The following PCDH9 variants were observed in gnomAD, a reference collection of about 807,000 sequenced individuals.
PCDH9 encodes protocadherin-9.
A neutral mutation model predicts 70.6 loss-of-function variants in PCDH9; 24 were observed. The observed-to-expected ratio is 0.34, with a 90% confidence interval of 0.25 to 0.48. The LOEUF (loss-of-function observed/expected upper bound fraction) is 0.48. Ranked by LOEUF, PCDH9 falls within the 20% of genes least tolerant of loss-of-function variation. PCDH9 has a pLI of 0.99. For synonymous variants in PCDH9, 562 were observed against 558.5 expected (o/e 1.01, Z -0.09); for missense variants, 1,281 against 1,503.6 (o/e 0.85, Z 2.45).
rs183020995 is a variant in PCDH9, at chr13:66,763,997, T to C, written c.3139-132586A>G. ...TATTTTTAGTAGAAATGGGGTTTTG[T>C]CATGTTGGCCAGGCTCGTTTGAAAC... On this transcript the variant is annotated intron_variant, in intron 3 of 4. Transcript: ENST00000377865. Among the ~76,000 whole-genome samples the C allele has an allele frequency of 3.9e-5, 6 of 151,920 alleles. No homozygotes were observed. The East Asian group carries it at 1.2e-3, about 30-fold the overall frequency.
chr13:67,201,296 A>G (rs2089205817), intron 2 of PCDH9: 1 of 152,086 alleles, frequency 6.6e-6, no homozygotes, highest in Non-Finnish European at 1.5e-5. Flanking sequence ...TTTACAAAAT[A>G]TAGCCAAAAA....
At chr13:66,454,565 C>T (rs978045112) in intron 4 of PCDH9, among the ~76,000 whole-genome samples, 1 of 152,134 alleles carries the variant, frequency 6.6e-6, no homozygotes, top group Non-Finnish European at 1.5e-5. Context: ...AGGCTGTTTT[C>T]TTTATTCCTT....
chr13:66,304,406 T>G lies in PCDH9; in HGVS notation c.*249A>C. The G allele has an allele frequency of 2.6e-6, 1 of 389,070 alleles. No individual in the cohort carries two copies. The highest frequency in any genetic ancestry group is 3.9e-5 in the East Asian group (1 of 25,882). 24.1% of individuals were successfully genotyped at this position (389,070 alleles called of 1,614,324 possible). On this transcript the variant is annotated 3_prime_UTR_variant, in exon 5 of 5. Transcript: ENST00000377865. ...CCAGGGTCAAAATAAAATGCAATAA[T>G]AAAAAAAATTTGCACAATGGAGAGA...
chr13:66,694,210 T>A (rs976253862), intron 3 of PCDH9, among the ~76,000 whole-genome samples: 1 of 152,216 alleles, frequency 6.6e-6, no homozygotes, highest in East Asian at 1.9e-4. Context: ...AAATCTTGTA[T>A]GTAATGTGAT....
chr13:66,934,062 A>G (rs955988263), intron 2 of PCDH9, among the ~76,000 whole-genome samples: 3 of 152,166 alleles, frequency 2.0e-5, no homozygotes, highest in Non-Finnish European at 4.4e-5. Flanking sequence ...CATCACACCT[A>G]CAGCCTGCCT....
intron 3 of PCDH9, among the ~76,000 whole-genome samples, chr13:66,690,876 CCT>C (rs2078474168): frequency 6.6e-6 from 1 of 152,182 alleles, no homozygotes; most frequent in Non-Finnish European, 1.5e-5. Context: ...GCAAGCAAGA[CCT>C]CTGTCCTCAA....
intron 2 of PCDH9, among the ~76,000 whole-genome samples, chr13:66,918,243 G>A (rs918620098): frequency 2.0e-5 from 3 of 151,244 alleles, no homozygotes; most frequent in Non-Finnish European, 3.0e-5. Flanking sequence ...GAGAGGGAGA[G>A]AGAGGCACAG....
At chr13:66,630,436 G>T (rs2077554892) in intron 4 of PCDH9, among the ~76,000 whole-genome samples, 1 of 152,082 alleles carries the variant, frequency 6.6e-6, no homozygotes, top group Admixed American at 6.6e-5. Flanking sequence ...AAGCTAGTCA[G>T]TGTTTTTTAT....
At chr13:67,104,186 G>T (rs2138248142) in intron 2 of PCDH9, among the ~76,000 whole-genome samples, 1 of 152,260 alleles carries the variant, frequency 6.6e-6, no homozygotes, top group Non-Finnish European at 1.5e-5. Context: ...ATATCATGTT[G>T]CTTTTAGGCT....
intron 2 of PCDH9, among the ~76,000 whole-genome samples, chr13:67,004,658 C>A (rs2084314943): frequency 6.6e-6 from 1 of 151,794 alleles, no homozygotes. Context: ...TGGCAGTAAG[C>A]AATACAGTAT....
At chr13:66,557,716 A>T (rs1210429404) in intron 4 of PCDH9, among the ~76,000 whole-genome samples, 1 of 152,248 alleles carries the variant, frequency 6.6e-6, no homozygotes, top group Non-Finnish European at 1.5e-5. Flanking sequence ...GCTTAAGGAT[A>T]CAACCAATAT....
chr13:66,998,865 T>C (rs1184182674), intron 2 of PCDH9, among the ~76,000 whole-genome samples: 5 of 152,196 alleles, frequency 3.3e-5, no homozygotes, highest in African/African-American at 7.2e-5. Context: ...ATGAAGTCTC[T>C]ACACAATGAA....
Position 66,753,780 on chromosome 13 carries a change from CT to C in PCDH9, c.3139-122370del, listed in dbSNP as rs148571600. On this transcript the variant is annotated intron_variant, in intron 3 of 4. Transcript: ENST00000377865. ...ATCATTCTAAAGAAATGATACTATA[CT>C]TCTTTAAGTACTAGGTATAAGACAA... is the stretch of plus-strand genomic sequence containing the variant. 7.9e-3 allele frequency among the ~76,000 whole-genome samples: 1,200 copies of C among 152,222 alleles called. 14 individuals are homozygous for C. The highest frequency in any genetic ancestry group is 0.027 in the African/African-American group (1,123 of 41,546).
chr13:66,653,983 A>AAAAAAG (rs1394910898), intron 3 of PCDH9, among the ~76,000 whole-genome samples: 9 of 150,420 alleles, frequency 6.0e-5, no homozygotes, highest in African/African-American at 2.0e-4. Context: ...TAAAAAAAAA[A>AAAAAAG]AAATAGAAAG....
chr13:66,420,909 C>T (rs1274490100), intron 4 of PCDH9, among the ~76,000 whole-genome samples: 1 of 151,954 alleles, frequency 6.6e-6, no homozygotes, highest in African/African-American at 2.4e-5. Context: ...CATGTGCTAA[C>T]CCAATGCAAG....
In PCDH9 at chr13:66,595,621, G is replaced by C. The variant is rs183792177; in HGVS notation, c.3340+35589C>G. ...AGGATTTCTGATTTGTTAGAAGATT[G>C]TTTATAATTGTAATCTCTCAATAAT... On this transcript the variant is annotated intron_variant, in intron 4 of 4. Transcript: ENST00000377865. Among the ~76,000 whole-genome samples, 163 of 151,706 alleles carry C rather than the reference G, an allele frequency of 1.1e-3. 1 individual carries two copies. The highest frequency in any genetic ancestry group is 3.7e-3 in the African/African-American group (155 of 41,468).
At chr13:66,337,565 C>T (rs1034519513) in intron 4 of PCDH9, among the ~76,000 whole-genome samples, 4 of 151,630 alleles carry the variant, frequency 2.6e-5, no homozygotes, top group Non-Finnish European at 5.9e-5. Flanking sequence ...CACCTGTCTT[C>T]ATGGGATGCA....
At chr13:66,663,122 G>A (rs2078039711) in intron 3 of PCDH9, among the ~76,000 whole-genome samples, 1 of 152,100 alleles carries the variant, frequency 6.6e-6, no homozygotes, top group African/African-American at 2.4e-5. Context: ...AAAAATACAA[G>A]TAAATTGTCA....
At chr13:66,666,489 T>C (rs1322168487) in intron 3 of PCDH9, among the ~76,000 whole-genome samples, 2 of 152,072 alleles carry the variant, frequency 1.3e-5, no homozygotes, top group African/African-American at 4.8e-5. Flanking sequence ...CTCATGAAAC[T>C]ATTTTGCCAG....
Sources: allele counts gnomAD v4.1 joint callset (sites outside exome capture counted in the v4.1 genomes callset), GRCh38; gene constraint gnomAD v4.1.1; transcripts MANE v1.5; gene names NCBI Gene and HGNC (gene_info 2026-07-23, HGNC 2026-07-21).